The following ZNF362 variants were observed in gnomAD, a reference collection of about 807,000 sequenced individuals.
ZNF362 encodes the protein rotund homolog.
ZNF362 carries 11 observed loss-of-function variants against 42.9 expected under a neutral mutation model. The ratio of observed to expected loss-of-function variants is 0.26; its 90% CI spans 0.16 to 0.42. The LOEUF (loss-of-function observed/expected upper bound fraction) is 0.42. ZNF362 is among the 20% of genes least tolerant of loss of function. ZNF362 has a pLI of 1.00. For missense variants in ZNF362, 362 were observed against 576.2 expected, an observed-to-expected ratio of 0.63 and a Z score of 3.81; for synonymous variants, 255 against 257.3, an observed-to-expected ratio of 0.99 and a Z score of 0.09.
At chr1:33,181,181 G>A in the ZNF362 span, 1 of 1,595,314 alleles carries the variant, frequency 6.3e-7, no homozygotes, top group Non-Finnish European at 8.5e-7. This position sits in a 1 kb window ranked among gnomAD's most constrained non-coding sequence, Gnocchi z 6.5. Flanking sequence ...GGCGCGCGTT[G>A]AGGATGGCGT....
chr1:33,277,139 ACCAGTGTTCATTGTACT>A (rs1389322566), intron 4 of ZNF362, among the ~76,000 whole-genome samples: 1 of 152,218 alleles, frequency 6.6e-6, no homozygotes, highest in African/African-American at 2.4e-5. Context: ...GTGTCTGTTC[ACCAGTGTTCATTGTACT>A]CCCAGCAGCC....
chr1:33,155,816 G>T, the ZNF362 span, among the ~76,000 whole-genome samples: 6 of 151,938 alleles, frequency 3.9e-5, no homozygotes, highest in Admixed American at 2.6e-4. Flanking sequence ...TCTGCCCTTG[G>T]GGGGGATCTG....
At chr1:33,184,317 A>G in the ZNF362 span, among the ~76,000 whole-genome samples, 1 of 152,190 alleles carries the variant, frequency 6.6e-6, no homozygotes, top group Non-Finnish European at 1.5e-5. Context: ...GAAGATACCA[A>G]GGCTCAAATA....
At chr1:33,253,791 A>G (rs943450077), upstream of ZNF362, among the ~76,000 whole-genome samples, 1 of 152,190 alleles carries the variant, frequency 6.6e-6, no homozygotes, top group African/African-American at 2.4e-5. Flanking sequence ...AGGTGCTGTG[A>G]TGGGCATTAT....
the ZNF362 span, chr1:33,165,606 G>A: frequency 1.9e-6 from 3 of 1,538,908 alleles, no homozygotes; most frequent in Non-Finnish European, 2.6e-6. The surrounding 1 kb of genome is among the most constrained non-coding windows in gnomAD (Gnocchi z 4.0). Context: ...CAGGGGCCAT[G>A]CCTGGCCCAG....
Position 33,258,818 on chromosome 1 carries a change from A to T in ZNF362, c.-89+2164A>T, listed in dbSNP as rs72656291. On this transcript the variant is annotated intron_variant, in intron 1 of 8. Coordinates refer to ENST00000539719, the MANE Select transcript of ZNF362 (RefSeq NM_152493.3). ...GATTATCACATCAGGTTCTCCCAGA[A>T]ACTCAGTTAGGGTTAAATTGTCCTA... 5.8e-3 allele frequency among the ~76,000 whole-genome samples: 880 copies of T among 152,294 alleles called. 6 individuals carry two copies. Among genetic ancestry groups the T allele is most frequent in the Non-Finnish European group, 9.1e-3 (622 of 68,016 alleles).
At chr1:33,230,602 T>A in the ZNF362 span, among the ~76,000 whole-genome samples, 8 of 152,218 alleles carry the variant, frequency 5.3e-5, no homozygotes, top group Non-Finnish European at 8.8e-5. Context: ...CCTCCCACAG[T>A]GCCAGTTTTC....
the ZNF362 span, chr1:33,143,360 C>G: frequency 6.6e-6 from 1 of 152,178 alleles, no homozygotes; most frequent in Non-Finnish European, 1.5e-5. Flanking sequence ...GGGGGTGCTC[C>G]GACCCCAGAG....
At chr1:33,225,207 G>A in the ZNF362 span, among the ~76,000 whole-genome samples, 1 of 151,958 alleles carries the variant, frequency 6.6e-6, no homozygotes, top group South Asian at 2.1e-4. Flanking sequence ...TCATCTTTAA[G>A]TCCTTTCTCA....
chr1:33,181,047 T>C, the ZNF362 span: 1 of 1,384,066 alleles, frequency 7.2e-7, no homozygotes. The surrounding 1 kb of genome is among the most constrained non-coding windows in gnomAD (Gnocchi z 6.5). Flanking sequence ...GAAGGCGTCG[T>C]CGATGCCGGT....
intron 6 of ZNF362, among the ~76,000 whole-genome samples, chr1:33,292,410 G>A (rs1031017149): frequency 6.6e-6 from 1 of 152,202 alleles, no homozygotes; most frequent in Non-Finnish European, 1.5e-5. Flanking sequence ...GCATCCCAGG[G>A]ATGAAGCCCA....
the ZNF362 span, chr1:33,176,572 C>T: frequency 2.5e-5 from 14 of 569,996 alleles, no homozygotes; most frequent in East Asian, 2.3e-4. Flanking sequence ...CCGGATGCCA[C>T]GTCTGCTCTG....
the ZNF362 span, chr1:33,147,487 C>A: frequency 6.2e-7 from 1 of 1,613,326 alleles, no homozygotes. The surrounding 1 kb of genome is among the most constrained non-coding windows in gnomAD (Gnocchi z 8.1). Context: ...GCCCTTGCGG[C>A]TTGCGGCTTC....
the ZNF362 span, among the ~76,000 whole-genome samples, chr1:33,179,859 A>G: frequency 6.6e-6 from 1 of 152,252 alleles, no homozygotes; most frequent in Non-Finnish European, 1.5e-5. Flanking sequence ...TTTATTTGCA[A>G]CAAAATTTCT....
intron 1 of ZNF362, among the ~76,000 whole-genome samples, chr1:33,262,078 G>A (rs1237844813): frequency 6.6e-6 from 1 of 152,108 alleles, no homozygotes; most frequent in African/African-American, 2.4e-5. Flanking sequence ...AGAACCTGGG[G>A]CTGGAACTGG....
chr1:33,181,636 C>T, the ZNF362 span: 1 of 976,634 alleles, frequency 1.0e-6, no homozygotes, highest in Non-Finnish European at 1.4e-6. This position sits in a 1 kb window ranked among gnomAD's most constrained non-coding sequence, Gnocchi z 6.5. Context: ...CCGTGGGACG[C>T]CAGCCCGGGA....
At chr1:33,288,644 C>T (rs972921641) in intron 6 of ZNF362, among the ~76,000 whole-genome samples, 6 of 147,896 alleles carry the variant, frequency 4.1e-5, no homozygotes, top group African/African-American at 1.5e-4. Context: ...ACTTGGGAGG[C>T]TGAGGCAGGA....
chr1:33,288,743 CAAAAAA>C (rs60197226), intron 6 of ZNF362, among the ~76,000 whole-genome samples: 6 of 27,358 alleles, frequency 2.2e-4, no homozygotes, highest in African/African-American at 6.6e-4. Flanking sequence ...GACTCTGTCT[CAAAAAA>C]AAAAAAAAAA....
chr1:33,250,536 T>C, the ZNF362 span, among the ~76,000 whole-genome samples: 1 of 152,020 alleles, frequency 6.6e-6, no homozygotes, highest in East Asian at 1.9e-4. Context: ...AGCTGAACAA[T>C]GAGAATACGT....
Sources: gnomAD v4.1 joint callset for allele counts (sites outside exome capture counted in the v4.1 genomes callset) on GRCh38, gnomAD v4.1.1 for gene constraint, Gnocchi (gnomAD v3.1) non-coding constraint, MANE v1.5 for transcripts, NCBI Gene and HGNC (gene_info 2026-07-23, HGNC 2026-07-21) for gene names.